The following XKR9 variants were observed in gnomAD, a reference collection of about 807,000 sequenced individuals.
The protein encoded by XKR9 is XK-related protein 9.
XKR9 carries 32 observed loss-of-function variants against 32.0 expected under a neutral mutation model. That is an observed-to-expected ratio of 1.00 (90% CI 0.76 to 1.34). The LOEUF (loss-of-function observed/expected upper bound fraction) is 1.34. XKR9 is among the 40% of genes most tolerant of loss of function. XKR9 has a pLI of 0.00. For synonymous variants in XKR9, 168 were observed against 143.4 expected (o/e 1.17, Z -1.22); for missense variants, 546 against 429.7 (o/e 1.27, Z -2.39).
chr8:71,018,852 T>A, the XKR9 span, among the ~76,000 whole-genome samples: 3 of 152,250 alleles, frequency 2.0e-5, no homozygotes, highest in African/African-American at 7.2e-5. Flanking sequence ...TCAAAAATCC[T>A]TGTTGGAAAA....
intron 4 of XKR9, among the ~76,000 whole-genome samples, chr8:70,721,672 T>C (rs1379041585): frequency 1.3e-5 from 2 of 152,344 alleles, no homozygotes; most frequent in East Asian, 1.9e-4. Context: ...AGAGACTGTT[T>C]GTTATGATTT....
At chr8:70,673,036 C>T (rs1466744910) in intron 1 of XKR9, among the ~76,000 whole-genome samples, 5 of 152,146 alleles carry the variant, frequency 3.3e-5, no homozygotes, top group East Asian at 3.8e-4. Flanking sequence ...TTGATTGTTT[C>T]CTTTGCTGTG....
chr8:70,779,294 A>G (rs62508768), intron 2 of XKR9, among the ~76,000 whole-genome samples: 11,046 of 152,222 alleles, frequency 0.073, 474 homozygotes, highest in Non-Finnish European at 0.089. Flanking sequence ...CATATCAGGG[A>G]TGAAGCCAAC....
At chr8:70,796,566 T>G in the XKR9 span, among the ~76,000 whole-genome samples, 1 of 152,200 alleles carries the variant, frequency 6.6e-6, no homozygotes, top group East Asian at 1.9e-4. Flanking sequence ...TTTAATTAAC[T>G]TCAGCTCTGT....
chr8:71,050,995 C>G, the XKR9 span, among the ~76,000 whole-genome samples: 1 of 151,894 alleles, frequency 6.6e-6, no homozygotes, highest in Non-Finnish European at 1.5e-5. Context: ...ACTTAACATT[C>G]CAACCACTTA....
chr8:70,686,426 T>C (rs987816619), intron 3 of XKR9, among the ~76,000 whole-genome samples: 1 of 151,216 alleles, frequency 6.6e-6, no homozygotes, highest in African/African-American at 2.4e-5. Context: ...TATATATATA[T>C]ATATATTTGG....
chr8:71,012,522 A>G, the XKR9 span, among the ~76,000 whole-genome samples: 1 of 152,140 alleles, frequency 6.6e-6, no homozygotes, highest in Non-Finnish European at 1.5e-5. Context: ...AAAGTCAAAA[A>G]TTGTGCCTTT....
chr8:71,025,686 T>C, the XKR9 span, among the ~76,000 whole-genome samples: 1 of 152,196 alleles, frequency 6.6e-6, no homozygotes, highest in Non-Finnish European at 1.5e-5. Flanking sequence ...TCTGTCCACA[T>C]TCACATATCT....
At chr8:70,814,108 C>T in the XKR9 span, among the ~76,000 whole-genome samples, 1 of 152,148 alleles carries the variant, frequency 6.6e-6, no homozygotes, top group Non-Finnish European at 1.5e-5. Flanking sequence ...GAATACTATG[C>T]AGCCATAAAA....
chr8:70,816,251 A>G, the XKR9 span, among the ~76,000 whole-genome samples: 1 of 152,228 alleles, frequency 6.6e-6, no homozygotes. Context: ...TTGAAAGGAC[A>G]ACCTTTTCAA....
At chr8:70,674,029 A>G (rs1818804200) in intron 1 of XKR9, among the ~76,000 whole-genome samples, 1 of 152,084 alleles carries the variant, frequency 6.6e-6, no homozygotes, top group South Asian at 2.1e-4. Context: ...GGGTTCAGGT[A>G]TGGTGGCATG....
chr8:70,816,218 G>A, the XKR9 span, among the ~76,000 whole-genome samples: 3 of 152,098 alleles, frequency 2.0e-5, no homozygotes, highest in Admixed American at 6.6e-5. Flanking sequence ...AATCTTTGAC[G>A]AAATCAGCAA....
chr8:70,931,228 T>C, the XKR9 span, among the ~76,000 whole-genome samples: 2 of 151,918 alleles, frequency 1.3e-5, no homozygotes, highest in Admixed American at 6.6e-5. Flanking sequence ...CTCATGTTAA[T>C]GAGATCTGTG....
At chr8:70,681,680 C>G (rs1819089466) in intron 3 of XKR9, among the ~76,000 whole-genome samples, 1 of 151,964 alleles carries the variant, frequency 6.6e-6, no homozygotes. Context: ...TGAGAGAGTA[C>G]TCACTTTTTT....
chr8:70,736,625 A>G (rs1213973790), downstream of XKR9, among the ~76,000 whole-genome samples: 2 of 152,054 alleles, frequency 1.3e-5, no homozygotes, highest in Non-Finnish European at 2.9e-5. Flanking sequence ...TCTTTAATCC[A>G]TCTTGAATTA....
the XKR9 span, among the ~76,000 whole-genome samples, chr8:70,857,511 T>G: frequency 6.6e-6 from 1 of 152,176 alleles, no homozygotes; most frequent in Admixed American, 6.5e-5. Context: ...ACCTGATGGA[T>G]TCACAGCCGA....
the XKR9 span, among the ~76,000 whole-genome samples, chr8:70,871,790 G>T: frequency 2.0e-5 from 3 of 152,198 alleles, no homozygotes; most frequent in African/African-American, 7.2e-5. Flanking sequence ...AGCTGGAAGT[G>T]ATTAAGCTAT....
chr8:70,689,209 TC>T (rs1389742144), intron 3 of XKR9, among the ~76,000 whole-genome samples: 1 of 152,012 alleles, frequency 6.6e-6, no homozygotes, highest in African/African-American at 2.4e-5. Context: ...TAAGGATAGT[TC>T]ATAGAAAAGG....
the XKR9 span, among the ~76,000 whole-genome samples, chr8:70,940,564 T>C: frequency 6.6e-6 from 1 of 152,072 alleles, no homozygotes; most frequent in South Asian, 2.1e-4. Flanking sequence ...AAAGTATATA[T>C]TACAAAGAAG....
Sources: gnomAD v4.1 joint callset for allele counts (sites outside exome capture counted in the v4.1 genomes callset) on GRCh38, gnomAD v4.1.1 for gene constraint, MANE v1.5 for transcripts, NCBI Gene and HGNC (gene_info 2026-07-23, HGNC 2026-07-21) for gene names.